The following MTERF2 variants were observed in gnomAD, a reference collection of about 807,000 sequenced individuals.
MTERF2 encodes the protein mitochondrial transcription termination factor 2.
In MTERF2, 23 loss-of-function variants were observed where a neutral mutation model predicts 29.2. The ratio of observed to expected loss-of-function variants is 0.79; its 90% CI spans 0.57 to 1.12. The LOEUF is 1.12. Among genes scored for constraint, MTERF2 ranks in the 50% most tolerant of loss-of-function variants. The pLI is 0.00. For synonymous variants in MTERF2, 157 were observed against 159.5 expected (o/e 0.98, Z 0.12); for missense variants, 440 against 429.4 (o/e 1.02, Z -0.22).
At chr12:106,980,591 T>C (rs1406682048) in intron 2 of MTERF2, 2 of 152,236 alleles carry the variant, frequency 1.3e-5, no homozygotes, top group Non-Finnish European at 2.9e-5. Flanking sequence ...CTTTTGTCTC[T>C]GGTAATGAAA....
rs759742802 is a variant in MTERF2 at position 106,978,711 on chromosome 12, A to C, written c.4T>G (p.Leu2Val). Residue 2 changes from leucine to valine, a missense_variant, in exon 3 of 3, where the codon TTG becomes GTG. Leu to Val is a conservative substitution (Grantham distance 32, BLOSUM62 1). Transcript: ENST00000240050. ...TGGGATCTCAGCAGCAGCTTCCACA[A>C]CATGGCTGCAATCTACTAGCTAGTT... is the stretch of plus-strand genomic sequence containing the variant. MLWKLLLRSQSC... is the reference protein window; with the variant it reads MVWKLLLRSQSC... The C allele has an allele frequency of 6.2e-7, 1 of 1,612,014 alleles. No individual in the cohort carries two copies. Among genetic ancestry groups the C allele is most frequent in the Non-Finnish European group, 8.5e-7 (1 of 1,179,046 alleles).
intron 2 of MTERF2, among the ~76,000 whole-genome samples, chr12:106,984,674 G>C (rs1275110969): frequency 6.6e-6 from 1 of 152,188 alleles, no homozygotes; most frequent in Admixed American, 6.5e-5. Context: ...TCATGACAGT[G>C]AATAAGTCTC....
intron 2 of MTERF2, among the ~76,000 whole-genome samples, chr12:106,982,614 C>T (rs1193172080): frequency 6.6e-6 from 1 of 152,170 alleles, no homozygotes; most frequent in Non-Finnish European, 1.5e-5. Context: ...CATTTGAGTG[C>T]TTGGTATATG....
chr12:106,983,436 AT>A (rs1378683311), intron 2 of MTERF2, among the ~76,000 whole-genome samples: 1 of 152,150 alleles, frequency 6.6e-6, no homozygotes, highest in Non-Finnish European at 1.5e-5. Flanking sequence ...GGCTTATTTC[AT>A]TTAGCATAAT....
intron 2 of MTERF2, among the ~76,000 whole-genome samples, 170 bp downstream of exon 2, chr12:106,984,945 C>T (rs1952093528): frequency 6.6e-6 from 1 of 152,222 alleles, no homozygotes; most frequent in Non-Finnish European, 1.5e-5. Flanking sequence ...TTGACTTCTG[C>T]AGCTTTTAGC....
intron 2 of MTERF2, among the ~76,000 whole-genome samples, chr12:106,979,474 A>G (rs1326793909): frequency 6.6e-6 from 1 of 152,168 alleles, no homozygotes; most frequent in Non-Finnish European, 1.5e-5. Context: ...CCAGAATTAG[A>G]ATAAGTTGTA....
In MTERF2 at chr12:106,977,644, T is replaced by G; in HGVS notation, c.1071A>C (p.Lys357Asn). The G allele has an allele frequency of 4.3e-6, 7 of 1,613,698 alleles. No homozygotes were observed. The highest frequency in any genetic ancestry group is 5.9e-6 in the Non-Finnish European group (7 of 1,179,842). The change falls in exon 3 of 3, where the codon AAA (lysine) becomes AAC (asparagine). Residue 357 changes from lysine (K) to asparagine (N), a missense_variant. Coordinates refer to ENST00000240050, the MANE Select transcript of MTERF2 (RefSeq NM_001033050.3). ...TTTTGCCAAAATTAGCTTCAAACTC[T>G]TTTTTTGATCCATTTAGATTTGCTA... ...GHLANLNGSK[K>N]EFEANFGKIQ...
rs747325789 is a variant in MTERF2, at chr12:106,978,528, G to T, written c.187C>A (p.Arg63Ser). 2 of 1,614,120 alleles carry T rather than the reference G, an allele frequency of 1.2e-6. No individual in the cohort carries two copies. Among genetic ancestry groups the T allele is most frequent in the Non-Finnish European group, 1.7e-6 (2 of 1,180,004 alleles). Residue 63 changes from arginine (R) to serine (S), a missense_variant, in exon 3 of 3, where the codon CGT becomes AGT. Coordinates refer to ENST00000240050, the MANE Select transcript of MTERF2 (RefSeq NM_001033050.3). ...YKCSVDIRKI[R>S]RLKGWVLLED... ...AAAAGTACCCATCCTTTTAATCTAC[G>T]AATTTTCCTAATGTCAACTGAACAT...
chr12:106,984,645 G>A (rs958758836), intron 2 of MTERF2, among the ~76,000 whole-genome samples: 3 of 152,086 alleles, frequency 2.0e-5, no homozygotes, highest in Non-Finnish European at 2.9e-5. Flanking sequence ...TCATAGGGGT[G>A]GTTTCCCCCA....
rs1412314253 is a variant in MTERF2, at chr12:106,977,738, G to A, written c.977C>T (p.Thr326Ile). 2 of 1,613,820 alleles carry A rather than the reference G, an allele frequency of 1.2e-6. No individual in the cohort carries two copies. The highest frequency in any genetic ancestry group is 1.7e-6 in the Non-Finnish European group (2 of 1,179,974). ...IRETPMVLEL[T>I]PQIVQYRIRK... ...TATCCTGTACTGTACTATCTGTGGT[G>A]TTAATTCAAGAACCATTGGCGTCTC... Residue 326 changes from threonine (T) to isoleucine (I), a missense_variant, in exon 3 of 3, where the codon ACA (threonine) becomes ATA (isoleucine). Thr to Ile is a moderately conservative substitution (Grantham distance 89, BLOSUM62 -1). Coordinates refer to ENST00000240050, the MANE Select transcript of MTERF2 (RefSeq NM_001033050.3).
chr12:106,983,889 A>G (rs1250962431), intron 2 of MTERF2, among the ~76,000 whole-genome samples: 1 of 152,122 alleles, frequency 6.6e-6, no homozygotes, highest in Non-Finnish European at 1.5e-5. Context: ...ACCATCCTCA[A>G]ACCAGCTCTG....
chr12:106,985,866 A>G (rs1294980158), intron 1 of MTERF2: 1 of 152,274 alleles, frequency 6.6e-6, no homozygotes, highest in Non-Finnish European at 1.5e-5. Flanking sequence ...CAGATCTGCT[A>G]AAACAACACT....
chr12:106,981,590 G>A (rs746779996), intron 2 of MTERF2, among the ~76,000 whole-genome samples: 7 of 151,468 alleles, frequency 4.6e-5, no homozygotes, highest in South Asian at 2.1e-4. Flanking sequence ...GTGTGATCTC[G>A]GCTCACTGCA....
chr12:106,984,011 C>T (rs1469473999), intron 2 of MTERF2, among the ~76,000 whole-genome samples: 1 of 152,196 alleles, frequency 6.6e-6, no homozygotes, highest in African/African-American at 2.4e-5. Context: ...GTGCCCTTGC[C>T]TCCTATCTGT....
chr12:106,983,729 C>T (rs1167281766), intron 2 of MTERF2, among the ~76,000 whole-genome samples: 2 of 152,170 alleles, frequency 1.3e-5, no homozygotes, highest in Non-Finnish European at 2.9e-5. Context: ...CCTTTCCTTC[C>T]CCATGACTTA....
chr12:106,980,831 T>G (rs956975034), intron 2 of MTERF2: 1 of 152,194 alleles, frequency 6.6e-6, no homozygotes. Context: ...AATAAATGAT[T>G]ATTCTGTTAG....
chr12:106,985,853 G>A (rs1033857666), intron 1 of MTERF2: 1 of 152,162 alleles, frequency 6.6e-6, no homozygotes, highest in Non-Finnish European at 1.5e-5. Context: ...GGCATACTAG[G>A]CACAGATCTG....
rs1388642104 is a variant in MTERF2, at chr12:106,977,482, A to C, written c.*75T>G. The C allele has an allele frequency of 7.1e-7, 1 of 1,415,840 alleles. No individual in the cohort carries two copies. Among genetic ancestry groups the C allele is most frequent in the African/African-American group, 1.4e-5 (1 of 69,790 alleles). The allele number at this position is 1,415,840 out of a possible 1,614,324, so 87.7% of individuals were successfully genotyped here. A position where few individuals can be genotyped will look rare whatever the true frequency, so the allele number is the denominator to read the frequency against. On this transcript the variant is annotated 3_prime_UTR_variant, in exon 3 of 3. Coordinates refer to ENST00000240050, the MANE Select transcript of MTERF2 (RefSeq NM_001033050.3). Reference sequence around the variant, plus strand: ...GGTTCTTAAAATTACTGGTGTCTACAAACTGCCTGAATTTTTGTCTTTGCT... The same window carrying C: ...GGTTCTTAAAATTACTGGTGTCTACCAACTGCCTGAATTTTTGTCTTTGCT...
At chr12:106,984,524 C>T (rs1294729778) in intron 2 of MTERF2, among the ~76,000 whole-genome samples, 1 of 152,016 alleles carries the variant, frequency 6.6e-6, no homozygotes, top group South Asian at 2.1e-4. Flanking sequence ...CCCAAAGTGT[C>T]GATTACAGGC....
Sources: allele counts gnomAD v4.1 joint callset (sites outside exome capture counted in the v4.1 genomes callset), GRCh38; gene constraint gnomAD v4.1.1; transcripts MANE v1.5; gene names NCBI Gene and HGNC (gene_info 2026-07-23, HGNC 2026-07-21).